Variants in LRRIQ1 observed in about 807,000 individuals in gnomAD.
LRRIQ1 encodes leucine-rich repeat- and IQ domain-containing protein 1.
LRRIQ1 carries 210 observed loss-of-function variants against 211.9 expected under a neutral mutation model. The ratio of observed to expected loss-of-function variants is 0.99; its 90% confidence interval spans 0.89 to 1.11. The LOEUF (loss-of-function observed/expected upper bound fraction) is 1.11. Ranked by LOEUF, LRRIQ1 falls within the 50% of genes most tolerant of loss-of-function variation. The pLI is 0.00. For missense variants in LRRIQ1, 2,136 were observed against 1,939.5 expected, an observed-to-expected ratio of 1.10 and a Z score of -1.90; for synonymous variants, 699 against 650.1, an observed-to-expected ratio of 1.08 and a Z score of -1.14.
At chr12:85,095,576 C>T (rs890813626) in intron 11 of LRRIQ1, among the ~76,000 whole-genome samples, 1 of 151,904 alleles carries the variant, frequency 6.6e-6, no homozygotes, top group African/African-American at 2.4e-5. Flanking sequence ...TTGTAGTTTC[C>T]TTTTTCTGTT....
intron 15 of LRRIQ1, among the ~76,000 whole-genome samples, chr12:85,121,470 A>T (rs897451137): frequency 2.6e-5 from 4 of 152,196 alleles, no homozygotes; most frequent in Non-Finnish European, 4.4e-5. Context: ...GAAAAAGGTT[A>T]AAGAACTAAC....
In LRRIQ1 at chr12:85,192,756, A is replaced by G. The variant is rs1328157786; in HGVS notation, c.4822+32042A>G. ...ATATACTATAATTATATATAAATAT[A>G]TATAGTTATATACTATAATTATATA... On this transcript the variant is annotated intron_variant, in intron 24 of 26. Transcript: ENST00000393217. Among the ~76,000 whole-genome samples, 54 of 103,514 alleles carry G rather than the reference A, an allele frequency of 5.2e-4. 1 individual carries two copies. Among genetic ancestry groups the G allele is most frequent in the Non-Finnish European group, 8.1e-4 (48 of 59,224 alleles). 67.9% of individuals were successfully genotyped at this position (103,514 alleles called of 152,430 possible). A position where few individuals can be genotyped will look rare whatever the true frequency, so the allele number is the denominator to read the frequency against.
intron 15 of LRRIQ1, among the ~76,000 whole-genome samples, chr12:85,120,637 A>C (rs940865612): frequency 5.9e-5 from 9 of 152,238 alleles, no homozygotes; most frequent in African/African-American, 2.2e-4. Context: ...TATCTGGACA[A>C]TATTGAGTCT....
chr12:85,095,215 G>A lies in LRRIQ1; in HGVS notation c.2888-3140G>A, dbSNP rs1043655267. Among the ~76,000 whole-genome samples, 8 of 152,098 alleles carry A rather than the reference G, an allele frequency of 5.3e-5. 1 individual carries two copies. Among genetic ancestry groups the A allele is most frequent in the Admixed American group, 4.6e-4 (7 of 15,238 alleles). On this transcript the variant is annotated intron_variant, in intron 11 of 26. Transcript: ENST00000393217. ...CCAGTTCTCAAGGAGAATGCTTCCA[G>A]CTTTTGCCCATTCATTATAATCTTG...
intron 18 of LRRIQ1, among the ~76,000 whole-genome samples, chr12:85,137,568 T>A (rs577190897): frequency 6.6e-6 from 1 of 151,704 alleles, no homozygotes; most frequent in South Asian, 2.1e-4. Context: ...CTGGAGGAAT[T>A]GTAACATAAT....
intron 24 of LRRIQ1, among the ~76,000 whole-genome samples, chr12:85,199,368 A>G (rs1444747508): frequency 6.6e-6 from 1 of 152,070 alleles, no homozygotes; most frequent in Non-Finnish European, 1.5e-5. Context: ...TTGAATAGGG[A>G]AGTCCTTTCC....
At position 85,124,030 on chromosome 12, in the gene LRRIQ1, T is replaced by C. The variant is rs773088039; in HGVS notation, c.3558-40T>C. 10 of 1,461,368 alleles carry C rather than the reference T, an allele frequency of 6.8e-6. No homozygotes were observed. The South Asian group carries it at 1.1e-4, about 16-fold the overall frequency. 90.5% of individuals were successfully genotyped at this position (1,461,368 alleles called of 1,614,324 possible). A position where few individuals can be genotyped will look rare whatever the true frequency, so the allele number is the denominator to read the frequency against. ...TTGCACAAGTTTTAATATTTGCTGG[T>C]ACTATTCTTATTAAATGTTCTCATC... is the stretch of plus-strand genomic sequence containing the variant. On this transcript the variant is annotated intron_variant, in intron 16 of 26. Coordinates refer to ENST00000393217, the MANE Select transcript of LRRIQ1 (RefSeq NM_001079910.2).
At chr12:85,116,255 G>T (rs562558109) in intron 15 of LRRIQ1, among the ~76,000 whole-genome samples, 1 of 152,088 alleles carries the variant, frequency 6.6e-6, no homozygotes, top group Non-Finnish European at 1.5e-5. Flanking sequence ...CCATTCTCCT[G>T]CCTCAGCCAC....
At chr12:85,105,266 C>T (rs1886687465) in intron 14 of LRRIQ1, among the ~76,000 whole-genome samples, 1 of 151,816 alleles carries the variant, frequency 6.6e-6, no homozygotes, top group South Asian at 2.1e-4. Flanking sequence ...AATTTTCACT[C>T]CCAGGTTGAA....
chr12:85,235,179 T>C (rs561102525), intron 26 of LRRIQ1, among the ~76,000 whole-genome samples: 1 of 152,268 alleles, frequency 6.6e-6, no homozygotes, highest in East Asian at 1.9e-4. Flanking sequence ...ATTAGAAAAA[T>C]GGAAACAAAA....
chr12:85,158,008 C>A (rs1002606253), intron 23 of LRRIQ1, among the ~76,000 whole-genome samples: 2 of 151,884 alleles, frequency 1.3e-5, no homozygotes, highest in African/African-American at 4.8e-5. Context: ...AGACAAAACT[C>A]TACCAAAATG....
intron 6 of LRRIQ1, among the ~76,000 whole-genome samples, chr12:85,049,695 G>A (rs979026059): frequency 6.6e-6 from 1 of 152,128 alleles, no homozygotes; most frequent in Non-Finnish European, 1.5e-5. Flanking sequence ...TATTTATACT[G>A]TATCAATTTT....
At chr12:85,046,443 G>A (rs557116164) in intron 5 of LRRIQ1, among the ~76,000 whole-genome samples, 12 of 151,842 alleles carry the variant, frequency 7.9e-5, no homozygotes, top group Admixed American at 2.0e-4. Flanking sequence ...CACACTTGTG[G>A]GTTTATTTTT....
At chr12:85,165,973 T>C (rs1891138275) in intron 24 of LRRIQ1, among the ~76,000 whole-genome samples, 2 of 152,330 alleles carry the variant, frequency 1.3e-5, no homozygotes, top group South Asian at 4.1e-4. Flanking sequence ...AGGATTGCTG[T>C]GTCGAATGGT....
intron 24 of LRRIQ1, among the ~76,000 whole-genome samples, chr12:85,211,827 T>C (rs552890689): frequency 6.6e-6 from 1 of 152,212 alleles, no homozygotes; most frequent in Non-Finnish European, 1.5e-5. Context: ...ATTTTAATAA[T>C]ATATTTCTTT....
intron 19 of LRRIQ1, among the ~76,000 whole-genome samples, chr12:85,140,369 A>G (rs946900964): frequency 1.4e-5 from 2 of 146,852 alleles, no homozygotes; most frequent in African/African-American, 2.5e-5. Flanking sequence ...TTTTGTTCGT[A>G]GTGGTCTTGT....
chr12:85,123,960 G>T, intron 16 of LRRIQ1, 110 bp from the exon 17 acceptor site: 1 of 686,692 alleles, frequency 1.5e-6, no homozygotes. Flanking sequence ...ATGTTGTACT[G>T]AAGTTTAATA....
At chr12:85,220,999 A>G (rs1161459615) in intron 24 of LRRIQ1, among the ~76,000 whole-genome samples, 1 of 151,688 alleles carries the variant, frequency 6.6e-6, no homozygotes, top group Non-Finnish European at 1.5e-5. Flanking sequence ...TTTATTAGAG[A>G]TGGGGTTTCA....
chr12:85,081,999 AG>A (rs1430657135), intron 11 of LRRIQ1, among the ~76,000 whole-genome samples: 1 of 152,042 alleles, frequency 6.6e-6, no homozygotes, highest in Non-Finnish European at 1.5e-5. Flanking sequence ...CTCAGATTAC[AG>A]GCATGAGCCA....
Sources: allele counts gnomAD v4.1 joint callset (sites outside exome capture counted in the v4.1 genomes callset), GRCh38; gene constraint gnomAD v4.1.1; transcripts MANE v1.5; gene names NCBI Gene and HGNC (gene_info 2026-07-23, HGNC 2026-07-21).